The following EPHA3 variants were observed in gnomAD, a reference collection of about 807,000 sequenced individuals.
EPHA3 encodes the protein EPH receptor A3.
In EPHA3, 42 loss-of-function variants were observed where a neutral mutation model predicts 107.1. The observed-to-expected ratio is 0.39, with a 90% CI of 0.31 to 0.51. EPHA3 has a LOEUF of 0.51. Ranked by LOEUF, EPHA3 falls within the 20% of genes least tolerant of loss-of-function variation. EPHA3 has a pLI of 0.78. For missense variants in EPHA3, 1,183 were observed against 1,211.2 expected, an observed-to-expected ratio of 0.98 and a Z score of 0.35; for synonymous variants, 461 against 424.8, an observed-to-expected ratio of 1.09 and a Z score of -1.05.
intron 3 of EPHA3, among the ~76,000 whole-genome samples, chr3:89,240,747 A>G (rs185993693): frequency 2.6e-5 from 4 of 152,184 alleles, no homozygotes; most frequent in Admixed American, 1.3e-4. Flanking sequence ...AAATAATATT[A>G]AAGCAGAAGA....
chr3:89,276,715 A>T (rs1705815327), intron 3 of EPHA3, among the ~76,000 whole-genome samples: 1 of 152,134 alleles, frequency 6.6e-6, no homozygotes, highest in Non-Finnish European at 1.5e-5. Flanking sequence ...AGAAAGATTT[A>T]TTATTCTAAT....
chr3:89,380,521 TC>T (rs1708480926), intron 5 of EPHA3, among the ~76,000 whole-genome samples: 1 of 152,168 alleles, frequency 6.6e-6, no homozygotes, highest in Non-Finnish European at 1.5e-5. Flanking sequence ...CATTTTCTTT[TC>T]TTACTTATAC....
intron 3 of EPHA3, among the ~76,000 whole-genome samples, chr3:89,292,242 A>C (rs998324433): frequency 4.6e-5 from 7 of 152,342 alleles, no homozygotes; most frequent in African/African-American, 1.7e-4. Context: ...TTTAAAAAGA[A>C]CAACAGTAAT....
At chr3:89,154,997 C>G (rs2107054904) in intron 2 of EPHA3, among the ~76,000 whole-genome samples, 1 of 150,594 alleles carries the variant, frequency 6.6e-6, no homozygotes, top group East Asian at 1.9e-4. Context: ...AAAATTTTTT[C>G]AAAGAATAAG....
At chr3:89,427,427 C>T (rs1709480969) in intron 11 of EPHA3, among the ~76,000 whole-genome samples, 1 of 151,874 alleles carries the variant, frequency 6.6e-6, no homozygotes, top group South Asian at 2.1e-4. Flanking sequence ...AAATAAGACA[C>T]ATAGGAGGAA....
At chr3:89,392,387 G>A (rs1277076927) in intron 5 of EPHA3, among the ~76,000 whole-genome samples, 4 of 151,514 alleles carry the variant, frequency 2.6e-5, no homozygotes, top group African/African-American at 4.9e-5. Context: ...GCAGTGAGCC[G>A]AGATTGCACC....
In EPHA3 at chr3:89,431,254, C is replaced by G. The variant is rs1370663734; in HGVS notation, c.2241C>G (p.Leu747=). 1.9e-6 allele frequency: 3 copies of G among 1,613,732 alleles called. No homozygotes were observed. The highest frequency in any genetic ancestry group is 2.5e-6 in the Non-Finnish European group (3 of 1,179,956). The change falls in exon 13 of 17, where the codon CTC becomes CTG. Residue 747 remains leucine, a synonymous_variant. Transcript: ENST00000336596. The part of the protein sequence containing the change: ...LSDMGYVHRD[L]AARNILINSN... The stretch of plus-strand genomic sequence containing the variant: ...ACATGGGCTATGTTCACCGAGACCT[C>G]GCTGCTCGGAACATCTTGATCAACA...
At chr3:89,473,135 C>T (rs73139119) in intron 16 of EPHA3, among the ~76,000 whole-genome samples, 34,107 of 151,610 alleles carry the variant, frequency 0.22, 4,095 homozygotes, top group Non-Finnish European at 0.25. Flanking sequence ...CATTGTCTAC[C>T]CTGTAAAGGA....
intron 3 of EPHA3, among the ~76,000 whole-genome samples, chr3:89,316,477 A>G (rs1348043673): frequency 1.8e-4 from 24 of 130,764 alleles, no homozygotes; most frequent in East Asian, 1.6e-3. Flanking sequence ...CTGTATATAT[A>G]TGTGTGTGTG....
intron 3 of EPHA3, among the ~76,000 whole-genome samples, chr3:89,324,972 C>T (rs142197189): frequency 4.6e-5 from 7 of 152,218 alleles, no homozygotes; most frequent in Admixed American, 6.5e-5. Flanking sequence ...TCTGTTCCTG[C>T]CTAATTCACT....
intron 3 of EPHA3, among the ~76,000 whole-genome samples, chr3:89,296,986 C>A (rs1706369038): frequency 1.3e-5 from 2 of 152,194 alleles, no homozygotes; most frequent in South Asian, 4.1e-4. Context: ...ATTTCTTCTG[C>A]AGCTTTCTCA....
rs1366673539 is a variant in EPHA3 at position 89,304,989 on chromosome 3, A to C, written c.815-35927A>C. Among the ~76,000 whole-genome samples, 3 of 152,218 alleles carry C rather than the reference A, an allele frequency of 2.0e-5. No homozygotes were observed. In the East Asian group the frequency reaches 5.8e-4, roughly 29 times the overall value. On this transcript the variant is annotated intron_variant, in intron 3 of 16. Transcript: ENST00000336596. ...ATTTTGATGTTGGCCTTCTTTAGCC[A>C]TGCAATTAAAAGATTGTTCATTTCA... is the stretch of plus-strand genomic sequence containing the variant.
intron 16 of EPHA3, among the ~76,000 whole-genome samples, chr3:89,478,902 G>A (rs1710571527): frequency 6.6e-6 from 1 of 152,178 alleles, no homozygotes; most frequent in African/African-American, 2.4e-5. Context: ...GATGTTGGCA[G>A]TACCATAATT....
intron 5 of EPHA3, among the ~76,000 whole-genome samples, chr3:89,380,740 G>C (rs1001538141): frequency 1.3e-5 from 2 of 149,790 alleles, no homozygotes; most frequent in African/African-American, 4.9e-5. Flanking sequence ...ACTATAAACT[G>C]TGACTCTTTA....
chr3:89,201,950 A>G (rs1705977941), intron 2 of EPHA3, among the ~76,000 whole-genome samples: 1 of 152,152 alleles, frequency 6.6e-6, no homozygotes, highest in Non-Finnish European at 1.5e-5. Context: ...CCAGTTACTT[A>G]AACAGGTTTT....
intron 2 of EPHA3, among the ~76,000 whole-genome samples, chr3:89,205,749 G>A (rs1454417928): frequency 6.6e-6 from 1 of 151,926 alleles, no homozygotes; most frequent in East Asian, 1.9e-4. Context: ...TTAAGAAAAT[G>A]AAGAGAAAGA....
At chr3:89,308,194 T>C (rs1706672088) in intron 3 of EPHA3, among the ~76,000 whole-genome samples, 1 of 152,128 alleles carries the variant, frequency 6.6e-6, no homozygotes, top group Non-Finnish European at 1.5e-5. Context: ...GTCTCCCTTT[T>C]CAAAGAACAA....
At chr3:89,228,403 A>G (rs546151813) in intron 3 of EPHA3, among the ~76,000 whole-genome samples, 1 of 152,048 alleles carries the variant, frequency 6.6e-6, no homozygotes, top group African/African-American at 2.4e-5. Flanking sequence ...CAGGGCTGAT[A>G]AATATAGTCT....
chr3:89,451,987 GA>G (rs1016652539), intron 15 of EPHA3, among the ~76,000 whole-genome samples: 1 of 151,522 alleles, frequency 6.6e-6, no homozygotes, highest in African/African-American at 2.4e-5. Flanking sequence ...ATATTTTTGT[GA>G]AAAAAATCAA....
Sources: allele counts gnomAD v4.1 joint callset (sites outside exome capture counted in the v4.1 genomes callset), GRCh38; gene constraint gnomAD v4.1.1; transcripts MANE v1.5; gene names NCBI Gene and HGNC (gene_info 2026-07-23, HGNC 2026-07-21).